HMCN2: variants seen among roughly 807,000 people sequenced by gnomAD.
HMCN2 encodes the protein hemicentin-2.
Under a neutral mutation model 377.5 loss-of-function variants are expected in HMCN2, and 325 were observed. That is an observed-to-expected ratio of 0.86 (90% CI 0.79 to 0.94). The LOEUF (loss-of-function observed/expected upper bound fraction) is 0.94, where lower values mean the gene tolerates loss of function less well. Ranked by LOEUF, HMCN2 falls within the 40% of genes least tolerant of loss-of-function variation. HMCN2 has a pLI of 0.00. For missense variants in HMCN2, 4,543 were observed against 4,725.3 expected, an observed-to-expected ratio of 0.96 and a Z score of 1.13; for synonymous variants, 2,007 against 2,046.8, an observed-to-expected ratio of 0.98 and a Z score of 0.53.
chr9:130,283,974 G>A (rs1226741335), intron 1 of HMCN2, among the ~76,000 whole-genome samples: 3 of 152,186 alleles, frequency 2.0e-5, no homozygotes, highest in East Asian at 1.9e-4. Context: ...CATGTGTAAC[G>A]TTTTAGAAAC....
At chr9:130,322,328 ATC>A (rs1837898097) in intron 19 of HMCN2, among the ~76,000 whole-genome samples, 1,302 of 112,180 alleles carry the variant, frequency 0.012, 19 homozygotes, top group African/African-American at 0.041. Context: ...TAATCTATCT[ATC>A]TATCTATCTA....
chr9:130,416,504 A>C (rs1198727394), intron 85 of HMCN2, among the ~76,000 whole-genome samples: 3 of 152,062 alleles, frequency 2.0e-5, no homozygotes, highest in Non-Finnish European at 4.4e-5. Flanking sequence ...GTTCACGTGG[A>C]ATTAGTTTAT....
intron 15 of HMCN2, among the ~76,000 whole-genome samples, chr9:130,315,120 C>G (rs1043994163): frequency 4.6e-5 from 7 of 150,636 alleles, no homozygotes; most frequent in Non-Finnish European, 1.0e-4. Flanking sequence ...GCAGCCTCAC[C>G]TGCAAGCAGG....
At chr9:130,356,356 T>A in intron 34 of HMCN2, 99 bp downstream of exon 34, 1 of 1,140,176 alleles carries the variant, frequency 8.8e-7, no homozygotes, top group Non-Finnish European at 1.1e-6. Flanking sequence ...ACGGGGCTGG[T>A]CTTTGCTGGA....
At chr9:130,408,387 G>C (rs1212873479) in intron 83 of HMCN2, among the ~76,000 whole-genome samples, 3 of 152,140 alleles carry the variant, frequency 2.0e-5, no homozygotes, top group African/African-American at 7.2e-5. Context: ...TACCTGGCAG[G>C]TACTCCGCTG....
At chr9:130,415,800 G>T (rs931742928) in intron 85 of HMCN2, among the ~76,000 whole-genome samples, 2 of 152,184 alleles carry the variant, frequency 1.3e-5, no homozygotes, top group African/African-American at 4.8e-5. Flanking sequence ...GGTTCTCGCC[G>T]TTCAGTTGCT....
At chr9:130,342,064 A>AAATAAATAAAT (rs1839088267) in intron 24 of HMCN2, among the ~76,000 whole-genome samples, 2 of 97,604 alleles carry the variant, frequency 2.0e-5, no homozygotes, top group East Asian at 8.5e-4. Flanking sequence ...AATAAATAAA[A>AAATAAATAAAT]GCTTGGAAAG....
intron 82 of HMCN2, chr9:130,406,421 A>T: frequency 2.9e-6 from 1 of 344,502 alleles, no homozygotes; most frequent in South Asian, 2.2e-5. Context: ...CAGGGCCAGG[A>T]AGGGGAGGCC....
In HMCN2 at chr9:130,353,113, G is replaced by A. The variant is rs959173869; in HGVS notation, c.4772G>A (p.Gly1591Glu). 1 of 1,304,230 alleles carries A rather than the reference G, an allele frequency of 7.7e-7. No homozygotes were observed. 80.8% of individuals were successfully genotyped at this position (1,304,230 alleles called of 1,614,324 possible). ...AGGGGCGGTCGGCAGTTGCAGCTGGGGAGGGCCCAGAGCTCCGATGCCGGC... is the reference window on the plus strand; with the variant it reads ...AGGGGCGGTCGGCAGTTGCAGCTGGAGAGGGCCCAGAGCTCCGATGCCGGC... Reference protein sequence around the residue: ...YTRGGRQLQLGRAQSSDAGVY... With the variant: ...YTRGGRQLQLERAQSSDAGVY... Residue 1591 changes from glycine (G) to glutamate (E), a missense_variant, in exon 31 of 98, where the codon GGG (glycine) becomes GAG (glutamate). This residue lies in a region of HMCN2 where 1,032 missense variants were observed against 1,285.1 expected (regional missense o/e 0.80). Coordinates refer to ENST00000683500, the MANE Select transcript of HMCN2 (RefSeq NM_001291815.2).
rs1386050519 is a variant in HMCN2, at chr9:130,360,751, A to T, written c.5950+147A>T. 7.1e-6 allele frequency: 2 copies of T among 282,146 alleles called. No individual in the cohort carries two copies. Among genetic ancestry groups the T allele is most frequent in the African/African-American group, 2.4e-5 (1 of 42,000 alleles). The allele number at this position is 282,146 out of a possible 1,614,324, so 17.5% of individuals were successfully genotyped here. On this transcript the variant is annotated intron_variant, in intron 38 of 97. Coordinates refer to ENST00000683500, the MANE Select transcript of HMCN2 (RefSeq NM_001291815.2). This position sits in a 1 kb window ranked among gnomAD's most constrained non-coding sequence, Gnocchi z 4.7. ...ACCCCATCCATCCATCATCCATCCA[A>T]CCATCCATCCATCCATCCATCCATC...
chr9:130,389,621 C>T (rs1159044973), intron 62 of HMCN2, among the ~76,000 whole-genome samples: 1 of 151,278 alleles, frequency 6.6e-6, no homozygotes, highest in Non-Finnish European at 1.5e-5. Context: ...GTTACCCAGG[C>T]TGGGGTGCAG....
Position 130,402,827 on chromosome 9 carries a change from G to A in HMCN2, c.11809G>A (p.Gly3937Ser), listed in dbSNP as rs778685616. 222 of 1,289,660 alleles carry A rather than the reference G, an allele frequency of 1.7e-4. No individual in the cohort carries two copies. The highest frequency in any genetic ancestry group is 2.2e-4 in the Non-Finnish European group (217 of 988,852). 79.9% of individuals were successfully genotyped at this position (1,289,660 alleles called of 1,614,324 possible). ...CGGGCAGGCCCTCCCCATCCACGCA[G>A]GCCGCTACACCTGCTCAGCCCGCAA... ...EIGQALPIHA[G>S]RYTCSARNSA... The change falls in exon 78 of 98, where the codon GGC (glycine) becomes AGC (serine). Residue 3937 changes from glycine to serine, a missense_variant. By Grantham distance (56) the Gly-to-Ser change is moderately conservative. Transcript: ENST00000683500.
At position 130,358,402 on chromosome 9, in the gene HMCN2, G is replaced by C. The variant is rs760053373; in HGVS notation, c.5593G>C (p.Asp1865His). ...CCCTCCCCTCCAGATTGAGAAGGTGGACCTGAGGGACGAGGGCATCTACAC... is the reference window on the plus strand; with the variant it reads ...CCCTCCCCTCCAGATTGAGAAGGTGCACCTGAGGGACGAGGGCATCTACAC... Reference protein sequence around the residue: ...FGGNLQIEKVDLRDEGIYTCA... With the variant: ...FGGNLQIEKVHLRDEGIYTCA... The change falls in exon 36 of 98, where the codon GAC becomes CAC. Residue 1865 changes from aspartate (D) to histidine (H), a missense_variant. Asp to His is a moderately conservative substitution (Grantham distance 81). Around this residue, in one of 5 missense-constraint regions of HMCN2, gnomAD observed 1,032 missense variants for 1,285.1 expected, o/e 0.80. Coordinates refer to ENST00000683500, the MANE Select transcript of HMCN2 (RefSeq NM_001291815.2). The C allele has an allele frequency of 7.7e-7, 1 of 1,304,212 alleles. No individual in the cohort carries two copies. The highest frequency in any genetic ancestry group is 1.0e-6 in the Non-Finnish European group (1 of 988,958). The allele number at this position is 1,304,212 out of a possible 1,614,324, so 80.8% of individuals were successfully genotyped here.
At position 130,386,433 on chromosome 9, in the gene HMCN2, C is replaced by T. The variant is rs1481895614; in HGVS notation, c.9310-10C>T. 1 of 1,302,464 alleles carries T rather than the reference C, an allele frequency of 7.7e-7. No individual in the cohort carries two copies. The highest frequency in any genetic ancestry group is 2.3e-5 in the Admixed American group (1 of 43,532). 80.7% of individuals were successfully genotyped at this position (1,302,464 alleles called of 1,614,324 possible). ...CAGCACACAGCCACTGTGTGCTCTT[C>T]CTCTTTCAGGTATCGGATAAAGGTT... On this transcript the variant is annotated splice_polypyrimidine_tract_variant and intron_variant, in intron 60 of 97. Coordinates refer to ENST00000683500, the MANE Select transcript of HMCN2 (RefSeq NM_001291815.2).
At chr9:130,395,679 G>A (rs752867382) in intron 71 of HMCN2, among the ~76,000 whole-genome samples, 3 of 152,196 alleles carry the variant, frequency 2.0e-5, no homozygotes, top group African/African-American at 4.8e-5. Context: ...GTCAGTTTGC[G>A]GCTGTGGATT....
At chr9:130,371,211 C>A in intron 46 of HMCN2, 80 bp downstream of exon 46, 1 of 825,502 alleles carries the variant, frequency 1.2e-6, no homozygotes, top group Non-Finnish European at 1.5e-6. Context: ...ATGCCCATGA[C>A]CTCTGACTCT....
rs568658136 is a variant in HMCN2 at position 130,403,054 on chromosome 9, G to C, written c.11879-140G>C. ...TTTGGCAGGAAAAGAATCAGCCATGGCGTCCTTGTTGCTGTGGCCGATGTT... is the reference window on the plus strand; with the variant it reads ...TTTGGCAGGAAAAGAATCAGCCATGCCGTCCTTGTTGCTGTGGCCGATGTT... On this transcript the variant is annotated intron_variant, in intron 78 of 97. Transcript: ENST00000683500. 7.6e-4 allele frequency: 790 copies of C among 1,046,250 alleles called. 7 individuals are homozygous for C. Among genetic ancestry groups the C allele is most frequent in the Middle Eastern group, 3.7e-3 (11 of 2,976 alleles). 64.8% of individuals were successfully genotyped at this position (1,046,250 alleles called of 1,614,324 possible).
At position 130,356,099 on chromosome 9, in the gene HMCN2, AT is replaced by A; in HGVS notation, c.5268del (p.Asn1756LysfsTer74). The A allele has an allele frequency of 7.8e-7, 1 of 1,289,218 alleles. No homozygotes were observed. The highest frequency in any genetic ancestry group is 1.0e-6 in the Non-Finnish European group (1 of 984,262). 79.9% of individuals were successfully genotyped at this position (1,289,218 alleles called of 1,614,324 possible). A position where few individuals can be genotyped will look rare whatever the true frequency, so the allele number is the denominator to read the frequency against. On this transcript the variant is annotated frameshift_variant, in exon 34 of 98. Coordinates refer to ENST00000683500, the MANE Select transcript of HMCN2 (RefSeq NM_001291815.2). LOFTEE classifies it high-confidence loss of function. ...SPVPTIQWLQ[N>X]GRPAEELAGV... is the part of the protein sequence containing the mutation. ...CCTACTCACCTTAGGTGGCTGCAGAATGGCCGCCCAGCCGAGGAGCTGGCTG... is the reference window on the plus strand; with the variant it reads ...CCTACTCACCTTAGGTGGCTGCAGAAGGCCGCCCAGCCGAGGAGCTGGCTG...
intron 34 of HMCN2, among the ~76,000 whole-genome samples, chr9:130,357,407 T>C (rs1013996068): frequency 1.6e-4 from 23 of 148,220 alleles, no homozygotes; most frequent in African/African-American, 5.0e-4. Context: ...GATGGAGGGA[T>C]GGATGGATGG....
Sources: gnomAD v4.1 joint callset for allele counts (sites outside exome capture counted in the v4.1 genomes callset) on GRCh38, gnomAD v4.1.1 for gene constraint, gnomAD v4.1.1 regional missense constraint, Gnocchi (gnomAD v3.1) non-coding constraint, MANE v1.5 for transcripts, NCBI Gene and HGNC (gene_info 2026-07-23, HGNC 2026-07-21) for gene names.